The following ZNF184 variants were observed in gnomAD, a reference collection of about 807,000 sequenced individuals.
ZNF184 encodes zinc finger protein 184.
In ZNF184, 16 loss-of-function variants were observed where a neutral mutation model predicts 54.4. The ratio of observed to expected loss-of-function variants is 0.29; its 90% CI spans 0.20 to 0.45. The LOEUF is 0.45. Ranked by LOEUF, ZNF184 falls within the 20% of genes least tolerant of loss-of-function variation. The pLI is 1.00. For missense variants in ZNF184, 681 were observed against 888.2 expected (o/e 0.77, Z 2.97); for synonymous variants, 254 against 295.3 (o/e 0.86, Z 1.43).
In ZNF184 at chr6:27,472,263, C is replaced by T. The variant is rs367673046; in HGVS notation, c.7+25G>A. 3.2e-5 allele frequency: 52 copies of T among 1,613,682 alleles called. No homozygotes were observed. Among genetic ancestry groups the T allele is most frequent in the Non-Finnish European group, 4.0e-5 (47 of 1,179,784 alleles). ...CTGTTCTCAAGCCTCCATCACCCCG[C>T]TCTCCCCCAAGTCGACCCCACTACC... On this transcript the variant is annotated intron_variant, in intron 2 of 5. Transcript: ENST00000683788. The surrounding 1 kb of genome is among the most constrained non-coding windows in gnomAD (Gnocchi z 4.8).
the ZNF184 span, among the ~76,000 whole-genome samples, chr6:27,424,340 A>G: frequency 6.6e-6 from 1 of 152,198 alleles, no homozygotes; most frequent in South Asian, 2.1e-4. Flanking sequence ...TAAAAGAACA[A>G]AGCTTCCACA....
At chr6:27,437,277 C>T in the ZNF184 span, among the ~76,000 whole-genome samples, 1 of 152,180 alleles carries the variant, frequency 6.6e-6, no homozygotes, top group African/African-American at 2.4e-5. Flanking sequence ...AAGCAGAGAG[C>T]TTTCTCCAGC....
In ZNF184 at chr6:27,452,024, C is replaced by T. The variant is rs1762739663; in HGVS notation, c.1535G>A (p.Ser512Asn). The change falls in exon 6 of 6, where the codon AGT becomes AAT. Residue 512 changes from serine to asparagine, a missense_variant. Transcript: ENST00000683788. The surrounding 1 kb of genome is among the most constrained non-coding windows in gnomAD (Gnocchi z 5.5). ...FECSECGKAF[S>N]YLSNLNQHQK... ...ATGCTGATTAAGGTTTGAGAGATAA[C>T]TGAAAGCCTTTCCACATTCACTGCA... 2 of 1,613,954 alleles carry T rather than the reference C, an allele frequency of 1.2e-6. No homozygotes were observed. The highest frequency in any genetic ancestry group is 1.7e-6 in the Non-Finnish European group (2 of 1,180,014).
intron 3 of ZNF184, among the ~76,000 whole-genome samples, chr6:27,462,145 C>T (rs1763010373): frequency 6.6e-6 from 1 of 152,124 alleles, no homozygotes; most frequent in Admixed American, 6.5e-5. Flanking sequence ...TCTTAAAAGG[C>T]CTGAAAGGAA....
chr6:27,437,053 T>G, the ZNF184 span, among the ~76,000 whole-genome samples: 1 of 152,208 alleles, frequency 6.6e-6, no homozygotes, highest in African/African-American at 2.4e-5. Flanking sequence ...ATAAAATATA[T>G]TATACAAGTG....
chr6:27,462,831 C>T (rs1367207613), intron 3 of ZNF184, among the ~76,000 whole-genome samples: 2 of 149,524 alleles, frequency 1.3e-5, no homozygotes, highest in Non-Finnish European at 3.0e-5. Context: ...TGCCACTGCA[C>T]TCCAGCCTGG....
Position 27,472,083 on chromosome 6 carries a change from G to A in ZNF184, c.7+205C>T, listed in dbSNP as rs1308334014. 6.6e-6 allele frequency among the ~76,000 whole-genome samples: 1 copy of A among 152,068 alleles called. No individual in the cohort carries two copies. Among genetic ancestry groups the A allele is most frequent in the Admixed American group, 6.5e-5 (1 of 15,282 alleles). On this transcript the variant is annotated intron_variant, in intron 2 of 5. Coordinates refer to ENST00000683788, the MANE Select transcript of ZNF184 (RefSeq NM_001318891.2). This position sits in a 1 kb window ranked among gnomAD's most constrained non-coding sequence, Gnocchi z 4.8. ...ATGTCTTTTCATTCCCCAATGGAAC[G>A]AAAGAAAAAAATAAACTCCTCTCCC... is the stretch of plus-strand genomic sequence containing the variant.
the ZNF184 span, among the ~76,000 whole-genome samples, chr6:27,426,531 A>G: frequency 6.6e-6 from 1 of 152,332 alleles, no homozygotes; most frequent in Non-Finnish European, 1.5e-5. This position sits in a 1 kb window ranked among gnomAD's most constrained non-coding sequence, Gnocchi z 4.2. Flanking sequence ...CCCAACTGCC[A>G]GAGATACCAT....
At chr6:27,409,664 T>C in the ZNF184 span, among the ~76,000 whole-genome samples, 1 of 152,074 alleles carries the variant, frequency 6.6e-6, no homozygotes, top group African/African-American at 2.4e-5. Context: ...ATTCTGGATA[T>C]ATGACCAATA....
At chr6:27,471,661 G>A (rs1339032790) in intron 2 of ZNF184, among the ~76,000 whole-genome samples, 4 of 152,146 alleles carry the variant, frequency 2.6e-5, no homozygotes, top group Non-Finnish European at 5.9e-5. Context: ...AAAGAAGTGA[G>A]GCTATATTGC....
the ZNF184 span, among the ~76,000 whole-genome samples, chr6:27,435,787 C>T: frequency 2.0e-5 from 3 of 152,198 alleles, no homozygotes; most frequent in African/African-American, 7.2e-5. Context: ...TGCTGTAGAC[C>T]CAGTAAAGGT....
At chr6:27,458,873 T>C (rs747405833) in intron 3 of ZNF184, among the ~76,000 whole-genome samples, 13 of 152,172 alleles carry the variant, frequency 8.5e-5, no homozygotes, top group Admixed American at 7.9e-4. Flanking sequence ...GTGGTATATA[T>C]ACACAAGGGA....
chr6:27,409,697 G>A, the ZNF184 span, among the ~76,000 whole-genome samples: 2 of 151,890 alleles, frequency 1.3e-5, no homozygotes, highest in Non-Finnish European at 1.5e-5. Context: ...CAAAAAAAAA[G>A]TTATAGTAAG....
intron 3 of ZNF184, among the ~76,000 whole-genome samples, chr6:27,460,907 G>T (rs1762978214): frequency 6.6e-6 from 1 of 152,154 alleles, no homozygotes; most frequent in South Asian, 2.1e-4. Flanking sequence ...TAGATCCTTG[G>T]TTCTGATCCT....
chr6:27,460,970 C>T (rs145269743), intron 3 of ZNF184, among the ~76,000 whole-genome samples: 3 of 152,252 alleles, frequency 2.0e-5, no homozygotes, highest in East Asian at 1.9e-4. Context: ...CACTAATTAT[C>T]GACATAATTC....
At chr6:27,470,515 T>TAAAGAA (rs1763248881) in intron 2 of ZNF184, among the ~76,000 whole-genome samples, 1 of 152,110 alleles carries the variant, frequency 6.6e-6, no homozygotes, top group African/African-American at 2.4e-5. Flanking sequence ...TCTTGACCAG[T>TAAAGAA]AAAGAAAAAC....
the ZNF184 span, among the ~76,000 whole-genome samples, chr6:27,420,253 A>G: frequency 6.6e-6 from 1 of 152,188 alleles, no homozygotes; most frequent in Admixed American, 6.5e-5. Flanking sequence ...TGAAGCAACC[A>G]CTACTAAATA....
Position 27,451,545 on chromosome 6 carries a change from A to C in ZNF184, c.2014T>G (p.Cys672Gly). The C allele has an allele frequency of 6.2e-7, 1 of 1,614,032 alleles. No individual in the cohort carries two copies. Among genetic ancestry groups the C allele is most frequent in the Non-Finnish European group, 8.5e-7 (1 of 1,179,996 alleles). ...CTAAAGGCTTTGTCACATTCATTGC[A>C]CTTATAGGGCTTCTCCCCAGTGTGA... ...RIHTGEKPYK[C>G]NECDKAFSRS... The change falls in exon 6 of 6, where the codon TGC (cysteine) becomes GGC (glycine). Residue 672 changes from cysteine (C) to glycine (G), a missense_variant. Coordinates refer to ENST00000683788, the MANE Select transcript of ZNF184 (RefSeq NM_001318891.2).
chr6:27,452,669 T>C lies in ZNF184; in HGVS notation c.890A>G (p.Gln297Arg), dbSNP rs1341518449. 1 of 1,614,032 alleles carries C rather than the reference T, an allele frequency of 6.2e-7. No homozygotes were observed. Among genetic ancestry groups the C allele is most frequent in the East Asian group, 2.2e-5 (1 of 44,882 alleles). Residue 297 changes from glutamine to arginine, a missense_variant, in exon 6 of 6, where the codon CAA (glutamine) becomes CGA (arginine). Physicochemically the swap from Gln to Arg is conservative, Grantham distance 43 (BLOSUM62 1). Coordinates refer to ENST00000683788, the MANE Select transcript of ZNF184 (RefSeq NM_001318891.2). The surrounding 1 kb of genome is among the most constrained non-coding windows in gnomAD (Gnocchi z 5.5). ...FIEGPSLTQH[Q>R]RIHTGEKPYK... ...TGGTTTTTCTCCAGTATGAATTCTT[T>C]GATGTTGAGTAAGAGATGGACCCTC...
Sources: gnomAD v4.1 joint callset for allele counts (sites outside exome capture counted in the v4.1 genomes callset) on GRCh38, gnomAD v4.1.1 for gene constraint, Gnocchi (gnomAD v3.1) non-coding constraint, MANE v1.5 for transcripts, NCBI Gene and HGNC (gene_info 2026-07-23, HGNC 2026-07-21) for gene names.